Variants in RHOG observed in about 807,000 individuals in gnomAD.
The protein encoded by RHOG is rho-related GTP-binding protein RhoG.
RHOG carries 1 observed loss-of-function variant against 12.3 expected under a neutral mutation model. That is an observed-to-expected ratio of 0.08 (90% CI 0.03 to 0.39). The LOEUF (loss-of-function observed/expected upper bound fraction) is 0.39, where lower values mean the gene tolerates loss of function less well. Among genes scored for constraint, RHOG ranks in the 10% least tolerant of loss-of-function variants. RHOG has a pLI of 0.99. For missense variants in RHOG, 114 were observed against 266.2 expected (o/e 0.43, Z 3.98); for synonymous variants, 129 against 116.0 (o/e 1.11, Z -0.72).
chr11:3,839,270 T>A (rs4910856), intron 1 of RHOG, among the ~76,000 whole-genome samples: 9,908 of 151,756 alleles, frequency 0.065, 433 homozygotes, highest in Middle Eastern at 0.15. Context: ...CGGGTTGGGG[T>A]GATTTTGATT....
chr11:3,836,048 GC>G lies in RHOG; in HGVS notation c.-69+4845del, dbSNP rs1266858020. On this transcript the variant is annotated intron_variant, in intron 1 of 1. Coordinates refer to ENST00000351018, the MANE Select transcript of RHOG (RefSeq NM_001665.4). ...AGAACCCAAGAGAGCCCAGTTCCTA[GC>G]CTTAAAAAAAAAAAAAAAATCCCCC... Among the ~76,000 whole-genome samples, 3 of 106,050 alleles carry G rather than the reference GC, an allele frequency of 2.8e-5. No individual in the cohort carries two copies. In the Admixed American group the frequency reaches 3.0e-4, roughly 11 times the overall value. 69.6% of individuals were successfully genotyped at this position (106,050 alleles called of 152,430 possible).
At chr11:3,834,478 C>A (rs1370237974) in intron 1 of RHOG, among the ~76,000 whole-genome samples, 1 of 152,156 alleles carries the variant, frequency 6.6e-6, no homozygotes, top group African/African-American at 2.4e-5. Flanking sequence ...TCCCTGCCCA[C>A]CCCCCAACAG....
Position 3,827,224 on chromosome 11 carries a change from A to G in RHOG, c.*339T>C, listed in dbSNP as rs368590748. 2 of 316,408 alleles carry G rather than the reference A, an allele frequency of 6.3e-6. No homozygotes were observed. Among genetic ancestry groups the G allele is most frequent in the African/African-American group, 2.1e-5 (1 of 47,762 alleles). The allele number at this position is 316,408 out of a possible 1,614,324, so 19.6% of individuals were successfully genotyped here. ...AGAGCCCCTAACCTGAGGCGGCACC[A>G]CAATAGGCAGCAACAACTGTGTGGA... is the stretch of plus-strand genomic sequence containing the variant. On this transcript the variant is annotated 3_prime_UTR_variant, in exon 2 of 2. Transcript: ENST00000351018. The surrounding 1 kb of genome is among the most constrained non-coding windows in gnomAD (Gnocchi z 7.3).
chr11:3,827,432 A>G lies in RHOG; in HGVS notation c.*131T>C, dbSNP rs2090086226. ...TTAAGGAGAAAAAGGCACTCAGAGA[A>G]AAAGGCATTCAGGGAACCCCCTGGA... On this transcript the variant is annotated 3_prime_UTR_variant, in exon 2 of 2. Transcript: ENST00000351018. This position sits in a 1 kb window ranked among gnomAD's most constrained non-coding sequence, Gnocchi z 7.3. The G allele has an allele frequency of 1.4e-6, 1 of 718,918 alleles. No homozygotes were observed. The highest frequency in any genetic ancestry group is 1.8e-5 in the African/African-American group (1 of 55,204). 44.5% of individuals were successfully genotyped at this position (718,918 alleles called of 1,614,324 possible).
Position 3,827,557 on chromosome 11 carries a change from C to T in RHOG, c.*6G>A, listed in dbSNP as rs1476341912. On this transcript the variant is annotated 3_prime_UTR_variant, in exon 2 of 2. Coordinates refer to ENST00000351018, the MANE Select transcript of RHOG (RefSeq NM_001665.4). The surrounding 1 kb of genome is among the most constrained non-coding windows in gnomAD (Gnocchi z 7.3). ...GCAGGGGCAGCCTCCAAGCCAAGTG[C>T]CAGGGTCACAAGAGGATGCAGGACC... 6.3e-7 allele frequency: 1 copy of T among 1,596,552 alleles called. No homozygotes were observed.
intron 1 of RHOG, among the ~76,000 whole-genome samples, chr11:3,833,102 T>C (rs942494265): frequency 2.0e-5 from 3 of 152,034 alleles, no homozygotes; most frequent in African/African-American, 7.2e-5. Flanking sequence ...CCAATCTGTT[T>C]TGTTTTGTTT....
intron 1 of RHOG, among the ~76,000 whole-genome samples, chr11:3,830,285 A>G (rs923728875): frequency 6.6e-6 from 1 of 152,130 alleles, no homozygotes. Flanking sequence ...TCTTGGCAAT[A>G]TATTTGTTCC....
rs142893260 is a variant in RHOG, at chr11:3,827,962, C to T, written c.177G>A (p.Ala59=). ...RTVNLNLWDT[A]GQEEYDRLRT... is the part of the protein sequence containing the mutation. ...GGAGGCGGTCATACTCCTCCTGGCC[C>T]GCAGTGTCCCACAGGTTCAGGTTCA... The change falls in exon 2 of 2, where the codon GCG becomes GCA. Residue 59 remains alanine (A), a synonymous_variant. Coordinates refer to ENST00000351018, the MANE Select transcript of RHOG (RefSeq NM_001665.4). The surrounding 1 kb of genome is among the most constrained non-coding windows in gnomAD (Gnocchi z 7.3). The T allele has an allele frequency of 2.4e-4, 386 of 1,614,264 alleles. 2 individuals carry two copies. The highest frequency in any genetic ancestry group is 2.0e-3 in the Middle Eastern group (12 of 6,062).
In RHOG at chr11:3,836,547, T is replaced by C. The variant is rs1344363460; in HGVS notation, c.-69+4347A>G. Among the ~76,000 whole-genome samples the C allele has an allele frequency of 2.0e-5, 3 of 151,712 alleles. No individual in the cohort carries two copies. In the East Asian group the frequency reaches 5.8e-4, roughly 29 times the overall value. On this transcript the variant is annotated intron_variant, in intron 1 of 1. Transcript: ENST00000351018. ...TGGGGGCAGTCTAGGACCCTTTCAC[T>C]AAGTCCTAGTTCCCAACCTTCTTCC...
intron 1 of RHOG, among the ~76,000 whole-genome samples, chr11:3,833,758 C>T (rs931120614): frequency 6.6e-6 from 1 of 152,182 alleles, no homozygotes; most frequent in Non-Finnish European, 1.5e-5. Context: ...GTTCCCAGCT[C>T]CCTGTTCCAG....
chr11:3,838,540 T>C (rs867382928), intron 1 of RHOG, among the ~76,000 whole-genome samples: 8 of 152,042 alleles, frequency 5.3e-5, no homozygotes, highest in Admixed American at 1.3e-4. Flanking sequence ...GTCCCTGGGA[T>C]TTCTTCCCGG....
intron 1 of RHOG, among the ~76,000 whole-genome samples, chr11:3,832,884 G>C (rs1389906643): frequency 1.3e-5 from 2 of 152,076 alleles, no homozygotes; most frequent in African/African-American, 4.8e-5. Flanking sequence ...TCACTAAGTG[G>C]CTTTTTCAAA....
At chr11:3,836,081 C>T (rs376102577) in intron 1 of RHOG, among the ~76,000 whole-genome samples, 1 of 151,312 alleles carries the variant, frequency 6.6e-6, no homozygotes, top group South Asian at 2.1e-4. Context: ...CCCCGGGTGC[C>T]GTGGCTCACG....
intron 1 of RHOG, among the ~76,000 whole-genome samples, chr11:3,832,751 T>C (rs1341262210): frequency 2.6e-5 from 4 of 152,206 alleles, no homozygotes; most frequent in South Asian, 2.1e-4. Flanking sequence ...TAAGTTACCA[T>C]AGCCCATTTC....
intron 1 of RHOG, among the ~76,000 whole-genome samples, chr11:3,838,865 A>T (rs1392704333): frequency 6.6e-6 from 1 of 152,142 alleles, no homozygotes; most frequent in Non-Finnish European, 1.5e-5. Flanking sequence ...ACTGAAGTTA[A>T]ATTTGGGAGG....
rs1463603220 is a variant in RHOG at position 3,828,337 on chromosome 11, A to T, written c.-68-131T>A. On this transcript the variant is annotated intron_variant, in intron 1 of 1. Transcript: ENST00000351018. ...GACACTATCCCAAAGTCCCATCAAG[A>T]CGGTCATCAGAAAGACACACAATGA... 3 of 591,016 alleles carry T rather than the reference A, an allele frequency of 5.1e-6. No homozygotes were observed. The East Asian group carries it at 8.3e-5, about 16-fold the overall frequency. 36.6% of individuals were successfully genotyped at this position (591,016 alleles called of 1,614,324 possible). A position where few individuals can be genotyped will look rare whatever the true frequency, so the allele number is the denominator to read the frequency against.
chr11:3,836,708 G>C lies in RHOG; in HGVS notation c.-69+4186C>G, dbSNP rs536428874. On this transcript the variant is annotated intron_variant, in intron 1 of 1. Transcript: ENST00000351018. ...GAGGTCAGGAATTCGAGACCAGCCT[G>C]GCCAGCATGGTGAAACCCCATCTCT... Among the ~76,000 whole-genome samples, 24 of 151,762 alleles carry C rather than the reference G, an allele frequency of 1.6e-4. 1 individual carries two copies. In the South Asian group the frequency reaches 5.0e-3, roughly 32 times the overall value.
chr11:3,839,953 T>C (rs2090180888), intron 1 of RHOG, among the ~76,000 whole-genome samples: 1 of 152,000 alleles, frequency 6.6e-6, no homozygotes, highest in South Asian at 2.1e-4. Context: ...TATGACCGTA[T>C]GTTTGGAGGA....
rs144519111 is a variant in RHOG at position 3,828,006 on chromosome 11, C to T, written c.133G>A (p.Ala45Thr). The change falls in exon 2 of 2, where the codon GCA becomes ACA. Residue 45 changes from alanine to threonine, a missense_variant. Physicochemically the swap from Ala to Thr is moderately conservative, Grantham distance 58. This residue lies in a region of RHOG where 53 missense variants were observed against 164.8 expected (regional missense o/e 0.32). Coordinates refer to ENST00000351018, the MANE Select transcript of RHOG (RefSeq NM_001665.4). ...TVFDNYSAQS[A>T]VDGRTVNLNL... ...AGGTTCACTGTGCGCCCGTCAACTG[C>T]GCTCTGCGCGCTGTAATTGTCGAAC... 1.5e-3 allele frequency: 2,464 copies of T among 1,614,276 alleles called. 5 individuals are homozygous for T. The highest frequency in any genetic ancestry group is 2.0e-3 in the Non-Finnish European group (2,323 of 1,180,036).
Sources: allele counts gnomAD v4.1 joint callset (sites outside exome capture counted in the v4.1 genomes callset), GRCh38; gene constraint gnomAD v4.1.1; regional missense constraint gnomAD v4.1.1; non-coding constraint Gnocchi (gnomAD v3.1); transcripts MANE v1.5; gene names NCBI Gene and HGNC (gene_info 2026-07-23, HGNC 2026-07-21).